MIS18BP1: variants seen among roughly 807,000 people sequenced by gnomAD.
MIS18BP1 encodes MIS18 binding protein 1.
Under a neutral mutation model 116.1 loss-of-function variants are expected in MIS18BP1, and 72 were observed. The observed-to-expected ratio is 0.62, with a 90% CI of 0.51 to 0.75. MIS18BP1 has a LOEUF of 0.75. MIS18BP1 is among the 30% of genes least tolerant of loss of function. The pLI, the probability that MIS18BP1 is intolerant of heterozygous loss-of-function variation, is 0.00. For missense variants in MIS18BP1, 1,363 were observed against 1,303.2 expected (o/e 1.05, Z -0.71); for synonymous variants, 386 against 427.0 (o/e 0.90, Z 1.18).
chr14:45,203,875 T>C lies in MIS18BP1; in HGVS notation c.*234A>G, dbSNP rs1890433628. On this transcript the variant is annotated 3_prime_UTR_variant, in exon 17 of 17. Coordinates refer to ENST00000310806, the MANE Select transcript of MIS18BP1 (RefSeq NM_018353.5). ...AAAAAATTATCTATATATATTTTAATATGCAAAAACAAATTTACAGATATC... is the reference window on the plus strand; with the variant it reads ...AAAAAATTATCTATATATATTTTAACATGCAAAAACAAATTTACAGATATC... 1 of 266,472 alleles carries C rather than the reference T, an allele frequency of 3.8e-6. No individual in the cohort carries two copies. The highest frequency in any genetic ancestry group is 1.1e-4 in the South Asian group (1 of 8,878). 16.5% of individuals were successfully genotyped at this position (266,472 alleles called of 1,614,324 possible).
At chr14:45,221,617 A>G (rs1019797475) in intron 11 of MIS18BP1, among the ~76,000 whole-genome samples, 1 of 152,212 alleles carries the variant, frequency 6.6e-6, no homozygotes, top group African/African-American at 2.4e-5. Context: ...ATCAGAGAAT[A>G]TGCTTTGTAT....
At chr14:45,237,112 G>A (rs77191313) in intron 5 of MIS18BP1, among the ~76,000 whole-genome samples, 4,090 of 150,946 alleles carry the variant, frequency 0.027, 107 homozygotes, top group African/African-American at 0.068. Flanking sequence ...CTAAGAAACT[G>A]GTCTTGAAGA....
Position 45,204,451 on chromosome 14 carries a change from A to C in MIS18BP1, c.3243T>G (p.Val1081=), listed in dbSNP as rs142349691. Reference sequence around the variant, plus strand: ...GTGTTGGAGTTGAGAAATCAGTTTCAACCTATAAAAGAGTTACTATTAATA... The same window carrying C: ...GTGTTGGAGTTGAGAAATCAGTTTCCACCTATAAAAGAGTTACTATTAATA... ...IVWGNIKKKL[V]ETDFSTPTPR... The change falls in exon 16 of 17, where the codon GTT becomes GTG. Residue 1081 remains valine, a splice_region_variant and synonymous_variant. Transcript: ENST00000310806. 5.9e-5 allele frequency: 94 copies of C among 1,600,810 alleles called. No individual in the cohort carries two copies. In the East Asian group the frequency reaches 1.4e-3, roughly 25 times the overall value.
At position 45,242,311 on chromosome 14, in the gene MIS18BP1, C is replaced by T; in HGVS notation, c.866G>A (p.Ser289Asn). The T allele has an allele frequency of 1.2e-6, 2 of 1,614,020 alleles. No homozygotes were observed. The highest frequency in any genetic ancestry group is 1.7e-6 in the Non-Finnish European group (2 of 1,179,984). ...ATTTTTAATAGGAATACAATTAGTA[C>T]TGAGAGTCTCAGCATTAGTATTTTG... ...QFQNTNAETL[S>N]TNCIPIKNGS... The change falls in exon 4 of 17, where the codon AGT becomes AAT. Residue 289 changes from serine to asparagine, a missense_variant. Transcript: ENST00000310806.
intron 14 of MIS18BP1, among the ~76,000 whole-genome samples, chr14:45,207,736 A>AG (rs1337851292): frequency 1.3e-5 from 2 of 152,206 alleles, no homozygotes; most frequent in African/African-American, 2.4e-5. Context: ...GAAGACAAAG[A>AG]GTTTTTCACT....
In MIS18BP1 at chr14:45,206,117, CCAT is replaced by C; in HGVS notation, c.3203_3205del (p.Asn1068_Gly1069delinsSer). The C allele has an allele frequency of 6.2e-7, 1 of 1,608,608 alleles. No individual in the cohort carries two copies. The highest frequency in any genetic ancestry group is 8.5e-7 in the Non-Finnish European group (1 of 1,175,674). On this transcript the variant is annotated inframe_deletion, in exon 15 of 17. Coordinates refer to ENST00000310806, the MANE Select transcript of MIS18BP1 (RefSeq NM_018353.5). Reference sequence around the variant, plus strand: ...CTTGATGTTGCCCCAGACAATACCACCATTACTTTTATGATATTTTTGCATACG... The same window carrying C: ...CTTGATGTTGCCCCAGACAATACCACTACTTTTATGATATTTTTGCATACG...
At chr14:45,213,456 G>T (rs908406534) in intron 13 of MIS18BP1, among the ~76,000 whole-genome samples, 1 of 152,186 alleles carries the variant, frequency 6.6e-6, no homozygotes, top group Non-Finnish European at 1.5e-5. Context: ...TTTCTCTTGT[G>T]TAAAACAGAG....
At chr14:45,210,248 G>C in intron 14 of MIS18BP1, 132 bp downstream of exon 14, 1 of 941,654 alleles carries the variant, frequency 1.1e-6, no homozygotes, top group Non-Finnish European at 1.5e-6. Flanking sequence ...TTAACTTCTA[G>C]AAACTACACA....
At position 45,230,497 on chromosome 14, in the gene MIS18BP1, C is replaced by A. The variant is rs79430581; in HGVS notation, c.1594+644G>T. 9.9e-5 allele frequency among the ~76,000 whole-genome samples: 15 copies of A among 152,270 alleles called. No individual in the cohort carries two copies. In the East Asian group the frequency reaches 2.9e-3, roughly 29 times the overall value. On this transcript the variant is annotated intron_variant, in intron 8 of 16. Transcript: ENST00000310806. ...AGTACAAAAATAATATATGTCTTTA[C>A]AACAGGTTTGCGGTAGGTTGGCAGC...
chr14:45,247,387 A>G lies in MIS18BP1; in HGVS notation c.-91-10T>C, dbSNP rs1350854756. On this transcript the variant is annotated splice_polypyrimidine_tract_variant and intron_variant, in intron 1 of 16. Coordinates refer to ENST00000310806, the MANE Select transcript of MIS18BP1 (RefSeq NM_018353.5). ...AGGGATCCACAGAAACCTGTAGTTC[A>G]ACGTAAAATCAGCCTTTATCATGCT... 2.0e-6 allele frequency: 2 copies of G among 988,828 alleles called. No individual in the cohort carries two copies. The highest frequency in any genetic ancestry group is 5.1e-5 in the East Asian group (2 of 39,318). 61.3% of individuals were successfully genotyped at this position (988,828 alleles called of 1,614,324 possible).
At chr14:45,215,468 G>A (rs1249237607) in intron 13 of MIS18BP1, among the ~76,000 whole-genome samples, 1 of 151,306 alleles carries the variant, frequency 6.6e-6, no homozygotes. Context: ...TCTTGCTGTC[G>A]CCAGGCTGGA....
intron 13 of MIS18BP1, 99 bp downstream of exon 13, chr14:45,216,920 T>A: frequency 1.5e-6 from 2 of 1,296,438 alleles, no homozygotes; most frequent in Non-Finnish European, 2.1e-6. Flanking sequence ...AGGCTACTGA[T>A]CCTTGGCCTA....
At chr14:45,212,571 T>C (rs1318536596) in intron 13 of MIS18BP1, among the ~76,000 whole-genome samples, 1 of 152,092 alleles carries the variant, frequency 6.6e-6, no homozygotes, top group African/African-American at 2.4e-5. Flanking sequence ...AATCTCTCAA[T>C]AAACAGAAAC....
intron 6 of MIS18BP1, among the ~76,000 whole-genome samples, chr14:45,235,026 T>C (rs1891384374): frequency 6.6e-6 from 1 of 152,148 alleles, no homozygotes; most frequent in Non-Finnish European, 1.5e-5. Context: ...AAGACCAGCC[T>C]GGCCAACATG....
Position 45,218,415 on chromosome 14 carries a change from C to T in MIS18BP1, c.2709G>A (p.Trp903Ter). Residue 903 changes from tryptophan (W) to a stop codon, truncating the protein, a stop_gained, in exon 12 of 17, where the codon TGG becomes TGA. Coordinates refer to ENST00000310806, the MANE Select transcript of MIS18BP1 (RefSeq NM_018353.5). LOFTEE classifies it high-confidence loss of function. ...AACCTACAGCCGCAGCTACCTCTGACCAGAAACCAGGTTTGTGCTTTGGAA... is the reference window on the plus strand; with the variant it reads ...AACCTACAGCCGCAGCTACCTCTGATCAGAAACCAGGTTTGTGCTTTGGAA... ...ASLPKHKPGF[W>*]SEVAAAVGSR... 1.2e-6 allele frequency: 2 copies of T among 1,612,406 alleles called. No homozygotes were observed. Among genetic ancestry groups the T allele is most frequent in the Non-Finnish European group, 1.7e-6 (2 of 1,179,616 alleles).
intron 1 of MIS18BP1, among the ~76,000 whole-genome samples, chr14:45,248,474 A>T (rs1220798774): frequency 6.6e-6 from 1 of 152,196 alleles, no homozygotes; most frequent in African/African-American, 2.4e-5. Flanking sequence ...TAAATAAAAC[A>T]TTTCAATCCA....
At chr14:45,209,946 G>A (rs925907576) in intron 14 of MIS18BP1, among the ~76,000 whole-genome samples, 1 of 152,050 alleles carries the variant, frequency 6.6e-6, no homozygotes, top group Admixed American at 6.5e-5. Flanking sequence ...TCTTTTCTCA[G>A]GTTGTCTTTT....
At chr14:45,249,618 C>A (rs933965135) in intron 1 of MIS18BP1, among the ~76,000 whole-genome samples, 1 of 152,192 alleles carries the variant, frequency 6.6e-6, no homozygotes, top group Non-Finnish European at 1.5e-5. Flanking sequence ...CGCCTATAAT[C>A]CCAGCACTTT....
At chr14:45,220,492 C>G (rs559784433) in intron 11 of MIS18BP1, among the ~76,000 whole-genome samples, 2 of 152,078 alleles carry the variant, frequency 1.3e-5, no homozygotes, top group African/African-American at 4.8e-5. Flanking sequence ...TAGCAACATC[C>G]CTCTTGGTAC....
Sources: allele counts gnomAD v4.1 joint callset (sites outside exome capture counted in the v4.1 genomes callset), GRCh38; gene constraint gnomAD v4.1.1; transcripts MANE v1.5; gene names NCBI Gene and HGNC (gene_info 2026-07-23, HGNC 2026-07-21).